Variants in BLTP2 observed in about 807,000 individuals in gnomAD.
The protein encoded by BLTP2 is bridge-like lipid transfer protein family member 2, also known as U937-associated antigen.
chr17:28,639,558 T>C, the BLTP2 span: 8 of 1,613,716 alleles, frequency 5.0e-6, no homozygotes, highest in African/African-American at 8.0e-5. Flanking sequence ...CAATTCTTGG[T>C]ACCACAATCA....
chr17:28,621,192 A>G, the BLTP2 span: 6 of 1,609,086 alleles, frequency 3.7e-6, no homozygotes, highest in African/African-American at 5.3e-5. Context: ...TGGGAAAGAG[A>G]TAAGAAAAAG....
At chr17:28,639,345 C>A in the BLTP2 span, 2 of 1,614,116 alleles carry the variant, frequency 1.2e-6, no homozygotes, top group Non-Finnish European at 1.7e-6. Flanking sequence ...AACAGGTGAA[C>A]TAGACCCTTG....
chr17:28,641,658 G>GAA, the BLTP2 span, among the ~76,000 whole-genome samples: 1 of 138,474 alleles, frequency 7.2e-6, no homozygotes, highest in Admixed American at 7.2e-5. Flanking sequence ...AAAAAAAAAG[G>GAA]AAAAAAAAAA....
the BLTP2 span, chr17:28,633,393 G>C: frequency 1.9e-6 from 3 of 1,613,208 alleles, no homozygotes; most frequent in Non-Finnish European, 2.5e-6. Context: ...CAGTTGTGTT[G>C]TATGGATCCT....
the BLTP2 span, chr17:28,628,173 A>C: frequency 6.5e-6 from 7 of 1,083,344 alleles, no homozygotes; most frequent in African/African-American, 1.1e-4. Flanking sequence ...CCTAGATAGA[A>C]GCACCATGAC....
chr17:28,623,733 T>C, the BLTP2 span: 3 of 1,590,592 alleles, frequency 1.9e-6, no homozygotes, highest in South Asian at 2.2e-5. Flanking sequence ...AGGAATATAA[T>C]GGGCCTTCAC....
chr17:28,618,785 A>C, the BLTP2 span: 1 of 1,611,230 alleles, frequency 6.2e-7, no homozygotes, highest in East Asian at 2.2e-5. Flanking sequence ...CATATACCCC[A>C]GATACCTTGC....
the BLTP2 span, among the ~76,000 whole-genome samples, chr17:28,625,995 C>T: frequency 6.6e-6 from 1 of 152,296 alleles, no homozygotes; most frequent in South Asian, 2.1e-4. Flanking sequence ...AAGCTCCTGA[C>T]CTCGTGATCC....
At chr17:28,638,028 T>C in the BLTP2 span, 1 of 1,614,150 alleles carries the variant, frequency 6.2e-7, no homozygotes, top group Admixed American at 1.7e-5. Context: ...AGTCCTCGAA[T>C]GGTACAATCA....
At chr17:28,642,262 A>G in the BLTP2 span, 1 of 1,613,832 alleles carries the variant, frequency 6.2e-7, no homozygotes, top group Non-Finnish European at 8.5e-7. Context: ...CTGAATGATC[A>G]TGGCATACTT....
the BLTP2 span, chr17:28,635,312 G>T: frequency 6.2e-7 from 1 of 1,614,214 alleles, no homozygotes; most frequent in South Asian, 1.1e-5. Context: ...TGCCGGCTCA[G>T]TGACACACTC....
the BLTP2 span, chr17:28,620,032 G>C: frequency 6.3e-7 from 1 of 1,597,668 alleles, no homozygotes; most frequent in South Asian, 1.1e-5. Context: ...GAATGGAAAG[G>C]GAAATGAATA....
the BLTP2 span, chr17:28,641,748 T>G: frequency 1.3e-6 from 1 of 744,680 alleles, no homozygotes; most frequent in South Asian, 1.8e-5. Context: ...AATGCCCTAT[T>G]TCCTCTAACT....
the BLTP2 span, chr17:28,615,143 T>C: frequency 6.2e-7 from 1 of 1,614,186 alleles, no homozygotes; most frequent in Non-Finnish European, 8.5e-7. Context: ...CCGGGCTTTC[T>C]CCTCCTCTTC....
the BLTP2 span, chr17:28,624,199 C>T: frequency 1.2e-6 from 2 of 1,603,544 alleles, no homozygotes; most frequent in Admixed American, 1.7e-5. Context: ...CATGATCTAG[C>T]CTGATGTTGA....
At chr17:28,632,743 A>T in the BLTP2 span, among the ~76,000 whole-genome samples, 1 of 152,082 alleles carries the variant, frequency 6.6e-6, no homozygotes, top group Non-Finnish European at 1.5e-5. Flanking sequence ...AACTTGTGGT[A>T]TTACTGTTAT....
the BLTP2 span, chr17:28,621,632 C>T: frequency 4.5e-6 from 3 of 667,808 alleles, no homozygotes; most frequent in Non-Finnish European, 8.1e-6. Context: ...ATAGCTTGAA[C>T]CATATCTCCC....
chr17:28,637,929 TA>T, the BLTP2 span: 1 of 1,614,140 alleles, frequency 6.2e-7, no homozygotes, highest in Non-Finnish European at 8.5e-7. Context: ...GAAGAGTGCC[TA>T]GAGACAGCTG....
At chr17:28,633,109 A>T in the BLTP2 span, 1 of 1,589,784 alleles carries the variant, frequency 6.3e-7, no homozygotes, top group East Asian at 2.2e-5. Context: ...CAGCCACTGC[A>T]GGTCCAGTGT....
Sources: gnomAD v4.1 joint callset for allele counts (sites outside exome capture counted in the v4.1 genomes callset) on GRCh38, gnomAD v4.1.1 for gene constraint, MANE v1.5 for transcripts, NCBI Gene and HGNC (gene_info 2026-07-23, HGNC 2026-07-21) for gene names.